The following TRIM44 variants were observed in gnomAD, a reference collection of about 807,000 sequenced individuals.
TRIM44 encodes tripartite motif-containing protein 44.
A neutral mutation model predicts 37.4 loss-of-function variants in TRIM44; 13 were observed. The ratio of observed to expected loss-of-function variants is 0.35; its 90% CI spans 0.23 to 0.55. The LOEUF (loss-of-function observed/expected upper bound fraction) is 0.55. Among genes scored for constraint, TRIM44 ranks in the 20% least tolerant of loss-of-function variants. TRIM44 has a pLI of 0.89. For synonymous variants in TRIM44, 175 were observed against 157.2 expected (o/e 1.11, Z -0.85); for missense variants, 426 against 437.2 (o/e 0.97, Z 0.23).
chr11:35,803,489 G>A (rs1050603710), intron 4 of TRIM44, among the ~76,000 whole-genome samples: 5 of 152,094 alleles, frequency 3.3e-5, no homozygotes, highest in African/African-American at 1.2e-4. Flanking sequence ...CCAGCACTTT[G>A]GGAGACTGGG....
At chr11:35,738,666 A>G (rs961772716) in intron 4 of TRIM44, among the ~76,000 whole-genome samples, 1 of 152,198 alleles carries the variant, frequency 6.6e-6, no homozygotes, top group Non-Finnish European at 1.5e-5. Context: ...TATGATACAT[A>G]CTTTACCCTT....
intron 4 of TRIM44, among the ~76,000 whole-genome samples, chr11:35,785,282 TGAG>T (rs1430838889): frequency 2.0e-5 from 3 of 152,260 alleles, no homozygotes; most frequent in African/African-American, 7.2e-5. Flanking sequence ...TCTGCTTGTC[TGAG>T]GAGATGGCCC....
At chr11:35,735,499 G>C (rs1407965081) in intron 4 of TRIM44, 54 bp downstream of exon 4, 3 of 1,595,910 alleles carry the variant, frequency 1.9e-6, no homozygotes, top group Non-Finnish European at 2.6e-6. Flanking sequence ...AGTGACATTT[G>C]TGGCCTTTTA....
chr11:35,775,552 T>C (rs903445894), intron 4 of TRIM44, among the ~76,000 whole-genome samples: 3 of 152,200 alleles, frequency 2.0e-5, no homozygotes, highest in African/African-American at 7.2e-5. Flanking sequence ...TGTGCCAGTT[T>C]TCGAAGGGAA....
At chr11:35,759,385 C>T (rs542624197) in intron 4 of TRIM44, among the ~76,000 whole-genome samples, 1 of 152,140 alleles carries the variant, frequency 6.6e-6, no homozygotes, top group Non-Finnish European at 1.5e-5. Context: ...ATTGGTTATT[C>T]TAGTTAGCCA....
chr11:35,789,692 AAGCCGTCTTAG>A (rs1233297848), intron 4 of TRIM44, among the ~76,000 whole-genome samples: 1 of 152,168 alleles, frequency 6.6e-6, no homozygotes, highest in African/African-American at 2.4e-5. Flanking sequence ...CCCCTCAGTT[AAGCCGTCTTAG>A]AGGGCGACCG....
intron 1 of TRIM44, among the ~76,000 whole-genome samples, chr11:35,682,931 A>T (rs139599023): frequency 5.3e-5 from 8 of 152,266 alleles, no homozygotes; most frequent in South Asian, 2.1e-4. Flanking sequence ...CCAGGGGGAA[A>T]GTCATAATAT....
intron 3 of TRIM44, among the ~76,000 whole-genome samples, chr11:35,733,625 C>T (rs1395941200): frequency 2.0e-5 from 3 of 152,114 alleles, no homozygotes; most frequent in Non-Finnish European, 4.4e-5. Context: ...AGATCTTTAA[C>T]AGTCTGCCAA....
intron 4 of TRIM44, among the ~76,000 whole-genome samples, chr11:35,743,278 A>G (rs1852437624): frequency 6.6e-6 from 1 of 152,188 alleles, no homozygotes; most frequent in South Asian, 2.1e-4. Context: ...GGTGAAGTGT[A>G]CCATGTTGAG....
chr11:35,696,855 A>C (rs554683929), intron 2 of TRIM44, among the ~76,000 whole-genome samples: 4 of 152,078 alleles, frequency 2.6e-5, no homozygotes, highest in East Asian at 1.9e-4. Flanking sequence ...CCAAAAAAAA[A>C]AACAACAATT....
Position 35,811,741 on chromosome 11 carries a change from A to C in TRIM44, c.*5356A>C, listed in dbSNP as rs1204826475. The C allele has an allele frequency of 6.6e-6, 1 of 152,200 alleles. No homozygotes were observed. Among genetic ancestry groups the C allele is most frequent in the East Asian group, 1.9e-4 (1 of 5,202 alleles). 9.4% of individuals were successfully genotyped at this position (152,200 alleles called of 1,614,324 possible). On this transcript the variant is annotated 3_prime_UTR_variant, in exon 5 of 5. Transcript: ENST00000299413. ...AATCCTAAAACCCACCAGCAGGTGT[A>C]TCTGGAGGGACAGTTTGTGGACTCT...
At chr11:35,790,989 G>T (rs554561676) in intron 4 of TRIM44, among the ~76,000 whole-genome samples, 1 of 152,262 alleles carries the variant, frequency 6.6e-6, no homozygotes, top group South Asian at 2.1e-4. Flanking sequence ...TGCTGGCAGA[G>T]ATGCTTGAGT....
At chr11:35,680,917 C>T (rs1851514885) in intron 1 of TRIM44, among the ~76,000 whole-genome samples, 1 of 151,692 alleles carries the variant, frequency 6.6e-6, no homozygotes, top group African/African-American at 2.4e-5. Context: ...AAGACAGGGT[C>T]TCGTTTGTTC....
At chr11:35,735,987 A>G (rs1416579067) in intron 4 of TRIM44, among the ~76,000 whole-genome samples, 1 of 152,132 alleles carries the variant, frequency 6.6e-6, no homozygotes, top group Non-Finnish European at 1.5e-5. Flanking sequence ...TTAGAAGTGC[A>G]TTTTATTATT....
chr11:35,674,364 A>G (rs1356623350), intron 1 of TRIM44, among the ~76,000 whole-genome samples: 3 of 152,194 alleles, frequency 2.0e-5, no homozygotes, highest in Admixed American at 1.3e-4. Context: ...TAAATGTCAG[A>G]AAACTGATCA....
chr11:35,739,647 G>A (rs562928510), intron 4 of TRIM44, among the ~76,000 whole-genome samples: 1 of 152,176 alleles, frequency 6.6e-6, no homozygotes, highest in African/African-American at 2.4e-5. Context: ...AGAAAAAGGG[G>A]TGCTCCCTGG....
At chr11:35,665,296 T>C (rs576380668) in intron 1 of TRIM44, among the ~76,000 whole-genome samples, 1 of 152,298 alleles carries the variant, frequency 6.6e-6, no homozygotes, top group African/African-American at 2.4e-5. Flanking sequence ...TCAGTAATAC[T>C]ACATGTTGCC....
intron 2 of TRIM44, among the ~76,000 whole-genome samples, chr11:35,709,761 C>T (rs1433726474): frequency 6.6e-6 from 1 of 152,178 alleles, no homozygotes. Flanking sequence ...CTTGTTCACT[C>T]AGCACTCCTG....
In TRIM44 at chr11:35,812,160, A is replaced by C. The variant is rs1006298603; in HGVS notation, c.*5775A>C. On this transcript the variant is annotated 3_prime_UTR_variant, in exon 5 of 5. Transcript: ENST00000299413. ...TTCCCTCTGAAAGCTACAACTCTAT[A>C]TTTTATTTTATTACTCTTTGTTTGG... 3 of 151,962 alleles carry C rather than the reference A, an allele frequency of 2.0e-5. No homozygotes were observed. The highest frequency in any genetic ancestry group is 4.4e-5 in the Non-Finnish European group (3 of 67,970). 9.4% of individuals were successfully genotyped at this position (151,962 alleles called of 1,614,324 possible).
Sources: allele counts gnomAD v4.1 joint callset (sites outside exome capture counted in the v4.1 genomes callset), GRCh38; gene constraint gnomAD v4.1.1; transcripts MANE v1.5; gene names NCBI Gene and HGNC (gene_info 2026-07-23, HGNC 2026-07-21).